BDH1: variants seen among roughly 807,000 people sequenced by gnomAD.
BDH1 encodes the protein D-beta-hydroxybutyrate dehydrogenase, mitochondrial.
BDH1 carries 30 observed loss-of-function variants against 33.1 expected under a neutral mutation model. That is an observed-to-expected ratio of 0.91 (90% CI 0.68 to 1.23). BDH1 has a LOEUF of 1.23. Among genes scored for constraint, BDH1 ranks in the 50% most tolerant of loss-of-function variants. The probability of loss-of-function intolerance (pLI) is 0.00; values close to 1 mark genes in which losing one functional copy is unlikely to be tolerated. For missense variants in BDH1, 443 were observed against 464.4 expected, an observed-to-expected ratio of 0.95 and a Z score of 0.42; for synonymous variants, 190 against 183.6, an observed-to-expected ratio of 1.03 and a Z score of -0.28.
intron 2 of BDH1, among the ~76,000 whole-genome samples, chr3:197,551,859 C>T (rs1165456365): frequency 1.3e-5 from 2 of 152,170 alleles, no homozygotes; most frequent in Non-Finnish European, 2.9e-5. Context: ...ATAATTACAA[C>T]TGCCAGATCA....
intron 3 of BDH1, among the ~76,000 whole-genome samples, chr3:197,537,181 G>T (rs533803927): frequency 2.3e-4 from 35 of 152,128 alleles, no homozygotes; most frequent in Middle Eastern, 3.4e-3. Context: ...CAGAGACAGG[G>T]TCTCACCATG....
intron 1 of BDH1, among the ~76,000 whole-genome samples, chr3:197,572,192 T>G (rs1351100661): frequency 6.6e-6 from 1 of 152,130 alleles, no homozygotes; most frequent in Non-Finnish European, 1.5e-5. Context: ...TCCCCAGACC[T>G]TCACAAACAA....
intron 2 of BDH1, among the ~76,000 whole-genome samples, chr3:197,552,297 C>T (rs111942156): frequency 0.1 from 15,228 of 152,190 alleles, 963 homozygotes; most frequent in African/African-American, 0.16. Flanking sequence ...TTCATCCCTT[C>T]TTGCCTGGAT....
In BDH1 at chr3:197,522,901, C is replaced by T. The variant is rs1713710668; in HGVS notation, c.268-120G>A. 1 of 1,259,550 alleles carries T rather than the reference C, an allele frequency of 7.9e-7. No homozygotes were observed. The highest frequency in any genetic ancestry group is 1.1e-6 in the Non-Finnish European group (1 of 912,884). 78.0% of individuals were successfully genotyped at this position (1,259,550 alleles called of 1,614,324 possible). A position where few individuals can be genotyped will look rare whatever the true frequency, so the allele number is the denominator to read the frequency against. ...CCAGCCAAAGCCTCAGGCATACTGGCAACTGCCCATGGGCCTGGCCCACCA... is the reference window on the plus strand; with the variant it reads ...CCAGCCAAAGCCTCAGGCATACTGGTAACTGCCCATGGGCCTGGCCCACCA... On this transcript the variant is annotated intron_variant, in intron 5 of 7. Coordinates refer to ENST00000392379, the MANE Select transcript of BDH1 (RefSeq NM_203314.3). The surrounding 1 kb of genome is among the most constrained non-coding windows in gnomAD (Gnocchi z 4.8).
intron 2 of BDH1, among the ~76,000 whole-genome samples, chr3:197,551,933 A>G (rs1268509798): frequency 1.3e-5 from 2 of 152,148 alleles, no homozygotes; most frequent in African/African-American, 4.8e-5. Flanking sequence ...GCCACTAAAC[A>G]ACGGAGTCTC....
At chr3:197,567,379 G>A (rs760506071) in intron 1 of BDH1, among the ~76,000 whole-genome samples, 2 of 152,148 alleles carry the variant, frequency 1.3e-5, no homozygotes, top group Admixed American at 6.5e-5. Context: ...TCTGCTCACT[G>A]AGAAAAATGC....
At chr3:197,572,001 T>A (rs1458644646) in intron 1 of BDH1, among the ~76,000 whole-genome samples, 1 of 152,036 alleles carries the variant, frequency 6.6e-6, no homozygotes, top group Non-Finnish European at 1.5e-5. Context: ...GACTGAGTGG[T>A]TAGGTTAAAT....
Position 197,546,037 on chromosome 3 carries a change from T to C in BDH1, c.83+324A>G, listed in dbSNP as rs567260980. The C allele has an allele frequency of 2.1e-5, 4 of 187,980 alleles. No homozygotes were observed. In the South Asian group the frequency reaches 5.7e-4, roughly 27 times the overall value. 11.6% of individuals were successfully genotyped at this position (187,980 alleles called of 1,614,324 possible). The stretch of plus-strand genomic sequence containing the variant: ...CTGTAATCCCAGCTACTCAGGAGGC[T>C]GACGTGGGAGAATCACTTGAACCCA... On this transcript the variant is annotated intron_variant, in intron 3 of 7. Transcript: ENST00000392379.
intron 1 of BDH1, among the ~76,000 whole-genome samples, chr3:197,566,094 C>G (rs1717422539): frequency 1.3e-5 from 2 of 152,146 alleles, no homozygotes; most frequent in Non-Finnish European, 2.9e-5. Context: ...AAAATTTAGA[C>G]CATATTTGTT....
chr3:197,564,802 G>T (rs1217017882), intron 1 of BDH1, among the ~76,000 whole-genome samples: 1 of 152,084 alleles, frequency 6.6e-6, no homozygotes, highest in Non-Finnish European at 1.5e-5. Flanking sequence ...CTAAGTAAAG[G>T]TTATAAAGGT....
At chr3:197,518,152 CG>C (rs67230978) in intron 6 of BDH1, among the ~76,000 whole-genome samples, 1 of 22,668 alleles carries the variant, frequency 4.4e-5, no homozygotes. Context: ...TCAGGCCGAC[CG>C]CCCCCCATCA....
At chr3:197,552,089 T>C (rs1716624564) in intron 2 of BDH1, among the ~76,000 whole-genome samples, 1 of 152,182 alleles carries the variant, frequency 6.6e-6, no homozygotes, top group Admixed American at 6.5e-5. Flanking sequence ...ACATCTCCAC[T>C]TGAATGTTTA....
intron 4 of BDH1, 37 bp from the exon 5 acceptor site, chr3:197,532,559 T>G: frequency 6.5e-6 from 10 of 1,537,526 alleles, no homozygotes; most frequent in Non-Finnish European, 8.1e-6. Flanking sequence ...TAGGAACCGG[T>G]GGTACAGGGG....
At chr3:197,530,315 A>G (rs890483085) in intron 5 of BDH1, 1 of 152,190 alleles carries the variant, frequency 6.6e-6, no homozygotes, top group Non-Finnish European at 1.5e-5. Context: ...AAATGACAAT[A>G]TATTTTATTT....
intron 1 of BDH1, among the ~76,000 whole-genome samples, chr3:197,571,411 C>T (rs1426498303): frequency 6.6e-6 from 1 of 152,146 alleles, no homozygotes; most frequent in African/African-American, 2.4e-5. Context: ...TATGGTTTGA[C>T]TCTGTCCCCA....
chr3:197,572,744 A>G (rs1717652508), intron 1 of BDH1, among the ~76,000 whole-genome samples: 2 of 152,208 alleles, frequency 1.3e-5, no homozygotes, highest in African/African-American at 4.8e-5. Flanking sequence ...TTCTAAATAA[A>G]TAAATAAACA....
At chr3:197,555,632 C>T (rs867435227) in intron 1 of BDH1, 149 bp downstream of exon 1, 1 of 152,332 alleles carries the variant, frequency 6.6e-6, no homozygotes, top group African/African-American at 2.4e-5. Flanking sequence ...CCGCTGCGGC[C>T]GCAGGGCTCG....
chr3:197,560,735 A>G (rs1717232556), upstream of BDH1, among the ~76,000 whole-genome samples: 1 of 152,214 alleles, frequency 6.6e-6, no homozygotes, highest in Non-Finnish European at 1.5e-5. Flanking sequence ...CCCCCACATC[A>G]CTAAGCTAAA....
chr3:197,563,929 C>T (rs543041077), intron 1 of BDH1, among the ~76,000 whole-genome samples: 7 of 151,850 alleles, frequency 4.6e-5, no homozygotes, highest in Middle Eastern at 3.4e-3. Context: ...TGGTAAAATC[C>T]CATCTCTACT....
Sources: gnomAD v4.1 joint callset for allele counts (sites outside exome capture counted in the v4.1 genomes callset) on GRCh38, gnomAD v4.1.1 for gene constraint, Gnocchi (gnomAD v3.1) non-coding constraint, MANE v1.5 for transcripts, NCBI Gene and HGNC (gene_info 2026-07-23, HGNC 2026-07-21) for gene names.